Variants in SLC35F3 observed in about 807,000 individuals in gnomAD.
SLC35F3 encodes the protein putative thiamine transporter SLC35F3.
SLC35F3 carries 25 observed loss-of-function variants against 49.9 expected under a neutral mutation model. The observed-to-expected ratio is 0.50, with a 90% CI of 0.37 to 0.70. The LOEUF (loss-of-function observed/expected upper bound fraction) is 0.70, where lower values mean the gene tolerates loss of function less well. Ranked by LOEUF, SLC35F3 falls within the 30% of genes least tolerant of loss-of-function variation. SLC35F3 has a pLI of 0.00. For missense variants in SLC35F3, 525 were observed against 639.8 expected (o/e 0.82, Z 1.94); for synonymous variants, 275 against 265.4 (o/e 1.04, Z -0.35).
Position 234,323,510 on chromosome 1 carries a change from G to GT in SLC35F3, c.*271dup, listed in dbSNP as rs1657682744. ...GGTTTAAAAGTTCCCTGCGTAGATC[G>GT]TTTTGGATGGCTGACGTTCTTGACA... On this transcript the variant is annotated 3_prime_UTR_variant, in exon 8 of 8. Transcript: ENST00000366618. The surrounding 1 kb of genome is among the most constrained non-coding windows in gnomAD (Gnocchi z 4.5). The GT allele has an allele frequency of 2.1e-6, 1 of 466,942 alleles. No individual in the cohort carries two copies. The highest frequency in any genetic ancestry group is 3.8e-5 in the Admixed American group (1 of 26,394). 28.9% of individuals were successfully genotyped at this position (466,942 alleles called of 1,614,324 possible). A position where few individuals can be genotyped will look rare whatever the true frequency, so the allele number is the denominator to read the frequency against.
chr1:234,002,668 A>C (rs951928790), intron 2 of SLC35F3, among the ~76,000 whole-genome samples: 2 of 151,900 alleles, frequency 1.3e-5, no homozygotes, highest in African/African-American at 4.8e-5. Flanking sequence ...CTATAAAGTT[A>C]CTCTTTGCTC....
intron 2 of SLC35F3, among the ~76,000 whole-genome samples, chr1:233,988,380 G>T (rs1663299594): frequency 1.3e-5 from 2 of 152,304 alleles, no homozygotes; most frequent in South Asian, 4.1e-4. Flanking sequence ...TTTCAGTTGA[G>T]CCAATTGTAT....
Position 234,110,449 on chromosome 1 carries a change from G to T in SLC35F3, c.284-120968G>T, listed in dbSNP as rs143352513. On this transcript the variant is annotated intron_variant, in intron 2 of 7. Coordinates refer to ENST00000366618, the MANE Select transcript of SLC35F3 (RefSeq NM_173508.4). ...TGCGGCAGAGGCCATTAAGATTTTG[G>T]TTCAGGATAATGTGTGTGGTTTTAG... 5.1e-3 allele frequency among the ~76,000 whole-genome samples: 777 copies of T among 152,344 alleles called. 8 individuals carry two copies. Among genetic ancestry groups the T allele is most frequent in the African/African-American group, 0.016 (676 of 41,562 alleles).
chr1:234,268,851 T>G lies in SLC35F3; in HGVS notation c.608+37110T>G, dbSNP rs1457262919. On this transcript the variant is annotated intron_variant, in intron 3 of 7. Transcript: ENST00000366618. ...GCAACATAGTGTTAGACAAAAAAAC[T>G]AAAGCAAATCACAGATTAATACAGT... The G allele has an allele frequency of 3.9e-5, 6 of 152,224 alleles. No individual in the cohort carries two copies. The East Asian group carries it at 1.2e-3, about 29-fold the overall frequency. The allele number at this position is 152,224 out of a possible 1,614,324, so 9.4% of individuals were successfully genotyped here.
At chr1:234,322,661 G>GTGTA (rs1553264921) in intron 7 of SLC35F3, among the ~76,000 whole-genome samples, 20 of 143,550 alleles carry the variant, frequency 1.4e-4, no homozygotes, top group Admixed American at 4.0e-4. Context: ...GTGTGTGTGT[G>GTGTA]TGTGTGTGTG....
At chr1:234,178,849 A>G (rs1666516252) in intron 2 of SLC35F3, among the ~76,000 whole-genome samples, 1 of 152,178 alleles carries the variant, frequency 6.6e-6, no homozygotes, top group Non-Finnish European at 1.5e-5. Flanking sequence ...GATCTTGACA[A>G]ATGTCTAATG....
At chr1:234,225,153 G>A (rs571564940) in intron 2 of SLC35F3, among the ~76,000 whole-genome samples, 46 of 152,284 alleles carry the variant, frequency 3.0e-4, no homozygotes, top group African/African-American at 9.9e-4. Flanking sequence ...TTGGCCTTAC[G>A]CGTGTGAAAG....
intron 2 of SLC35F3, among the ~76,000 whole-genome samples, chr1:234,040,296 C>A (rs559691877): frequency 2.6e-5 from 4 of 152,244 alleles, no homozygotes; most frequent in Middle Eastern, 3.4e-3. Context: ...CCAGCTGAAT[C>A]TGGGGTCTTT....
intron 2 of SLC35F3, among the ~76,000 whole-genome samples, chr1:234,047,746 T>C (rs1664315804): frequency 1.3e-5 from 2 of 151,994 alleles, no homozygotes; most frequent in South Asian, 4.1e-4. Context: ...CTGACTAATA[T>C]AGATTTTGGT....
intron 2 of SLC35F3, among the ~76,000 whole-genome samples, chr1:233,907,246 C>T (rs2102779800): frequency 6.6e-6 from 1 of 152,196 alleles, no homozygotes; most frequent in East Asian, 1.9e-4. Context: ...CTCTTTGGTG[C>T]TTGAAGTCAT....
At chr1:234,112,287 G>A (rs1001291307) in intron 2 of SLC35F3, among the ~76,000 whole-genome samples, 1 of 152,154 alleles carries the variant, frequency 6.6e-6, no homozygotes, top group South Asian at 2.1e-4. Flanking sequence ...GGAGTAGTTC[G>A]AGGCTGCAGT....
At chr1:234,050,559 T>C (rs1265426709) in intron 2 of SLC35F3, among the ~76,000 whole-genome samples, 1 of 152,214 alleles carries the variant, frequency 6.6e-6, no homozygotes, top group Admixed American at 6.5e-5. Flanking sequence ...GATGAGTAGA[T>C]TGCAAAAATT....
At chr1:234,036,543 T>C (rs957161442) in intron 2 of SLC35F3, among the ~76,000 whole-genome samples, 2 of 152,210 alleles carry the variant, frequency 1.3e-5, no homozygotes, top group Non-Finnish European at 1.5e-5. Flanking sequence ...CAGGTGTCCA[T>C]GTAATTAATT....
At chr1:234,154,998 A>T (rs1398935488) in intron 2 of SLC35F3, among the ~76,000 whole-genome samples, 1 of 152,252 alleles carries the variant, frequency 6.6e-6, no homozygotes, top group Admixed American at 6.5e-5. Context: ...TGTTATTTGT[A>T]TATAACCTAT....
At chr1:234,081,344 G>A (rs973053344) in intron 2 of SLC35F3, among the ~76,000 whole-genome samples, 4 of 152,236 alleles carry the variant, frequency 2.6e-5, no homozygotes, top group African/African-American at 9.6e-5. Flanking sequence ...ATAACTGAGA[G>A]CTAGTTCTAA....
At chr1:233,994,558 G>A (rs1663428140) in intron 2 of SLC35F3, among the ~76,000 whole-genome samples, 1 of 152,200 alleles carries the variant, frequency 6.6e-6, no homozygotes, top group African/African-American at 2.4e-5. Flanking sequence ...AGTCTGCCTT[G>A]TTCCTTCTTG....
At chr1:234,248,676 C>G (rs1667685906) in intron 3 of SLC35F3, among the ~76,000 whole-genome samples, 1 of 152,316 alleles carries the variant, frequency 6.6e-6, no homozygotes, top group Admixed American at 6.5e-5. Flanking sequence ...TGGCTATATT[C>G]AAAAAGCACT....
At chr1:234,317,559 T>A (rs180890584) in intron 5 of SLC35F3, among the ~76,000 whole-genome samples, 240 of 152,318 alleles carry the variant, frequency 1.6e-3, no homozygotes, top group African/African-American at 5.6e-3. Context: ...TATAATTAAG[T>A]ACTGTAGAGA....
At chr1:234,143,220 C>T (rs1294490034) in intron 2 of SLC35F3, among the ~76,000 whole-genome samples, 1 of 151,972 alleles carries the variant, frequency 6.6e-6, no homozygotes, top group Non-Finnish European at 1.5e-5. Flanking sequence ...TCCCTACTCT[C>T]CCTGACTCTA....
Sources: allele counts gnomAD v4.1 joint callset (sites outside exome capture counted in the v4.1 genomes callset), GRCh38; gene constraint gnomAD v4.1.1; non-coding constraint Gnocchi (gnomAD v3.1); transcripts MANE v1.5; gene names NCBI Gene and HGNC (gene_info 2026-07-23, HGNC 2026-07-21).